Variants in LGR6 observed in about 807,000 individuals in gnomAD.
LGR6 encodes leucine-rich repeat-containing G protein-coupled receptor 6.
Under a neutral mutation model 69.4 loss-of-function variants are expected in LGR6, and 45 were observed. That is an observed-to-expected ratio of 0.65 (90% CI 0.51 to 0.83). The LOEUF is 0.83. Ranked by LOEUF, LGR6 falls within the 40% of genes least tolerant of loss-of-function variation. LGR6 has a pLI of 0.00. For missense variants in LGR6, 1,108 were observed against 1,246.7 expected (o/e 0.89, Z 1.68); for synonymous variants, 538 against 555.0 (o/e 0.97, Z 0.43).
chr1:202,241,738 G>A (rs1034994946), intron 4 of LGR6, among the ~76,000 whole-genome samples: 1 of 152,098 alleles, frequency 6.6e-6, no homozygotes, highest in African/African-American at 2.4e-5. Context: ...TGGGTCCTGG[G>A]GAGCTCCGGT....
At chr1:202,207,216 C>T (rs973912525) in intron 1 of LGR6, among the ~76,000 whole-genome samples, 3 of 152,142 alleles carry the variant, frequency 2.0e-5, no homozygotes, top group Non-Finnish European at 4.4e-5. Context: ...TGTGCCCGGC[C>T]GGTCCTGCAA....
intron 4 of LGR6, among the ~76,000 whole-genome samples, chr1:202,262,175 A>G (rs1309251069): frequency 4.6e-5 from 7 of 151,712 alleles, no homozygotes; most frequent in African/African-American, 1.4e-4. Flanking sequence ...TATGTCCTGA[A>G]TGGTAATGCC....
chr1:202,217,906 G>T (rs75952233), intron 1 of LGR6, among the ~76,000 whole-genome samples: 3,602 of 152,352 alleles, frequency 0.024, 66 homozygotes, highest in Non-Finnish European at 0.035. Context: ...ATGTGTGTGT[G>T]AAGATAGACA....
chr1:202,226,160 A>G (rs936124212), intron 2 of LGR6, among the ~76,000 whole-genome samples: 4 of 152,178 alleles, frequency 2.6e-5, no homozygotes, highest in South Asian at 2.1e-4. Flanking sequence ...GGGGTGCTCA[A>G]AAGTAAATCA....
At chr1:202,206,139 C>G (rs568129770) in intron 1 of LGR6, among the ~76,000 whole-genome samples, 1 of 152,360 alleles carries the variant, frequency 6.6e-6, no homozygotes, top group Non-Finnish European at 1.5e-5. Flanking sequence ...GACACTGGAT[C>G]AAGTGTCCAG....
At chr1:202,279,424 A>G (rs1665838639) in intron 5 of LGR6, among the ~76,000 whole-genome samples, 1 of 152,150 alleles carries the variant, frequency 6.6e-6, no homozygotes, top group South Asian at 2.1e-4. Context: ...TATTTGAACA[A>G]CATCTTGGAG....
intron 1 of LGR6, among the ~76,000 whole-genome samples, chr1:202,216,461 G>C (rs1030486560): frequency 2.6e-5 from 4 of 152,216 alleles, no homozygotes; most frequent in African/African-American, 9.6e-5. Context: ...GAACTGTGCT[G>C]TCCAATACAG....
intron 4 of LGR6, among the ~76,000 whole-genome samples, chr1:202,237,896 C>A (rs574685170): frequency 3.3e-5 from 5 of 151,314 alleles, no homozygotes; most frequent in Non-Finnish European, 7.4e-5. Flanking sequence ...ACCTCAGTTT[C>A]TCTATCTTCA....
rs192261393 is a variant in LGR6, at chr1:202,290,392, C to T, written c.717-7116C>T. ...ACTCCTGCAGAAGCCCAATCCTCCA[C>T]GTCCATTTATCCTCTCTCCCTAAAA... On this transcript the variant is annotated intron_variant, in intron 6 of 17. Transcript: ENST00000367278. Among the ~76,000 whole-genome samples the T allele has an allele frequency of 3.3e-5, 5 of 152,326 alleles. No individual in the cohort carries two copies. In the East Asian group the frequency reaches 9.6e-4, roughly 29 times the overall value.
At chr1:202,217,186 G>A (rs1659844430) in intron 1 of LGR6, among the ~76,000 whole-genome samples, 1 of 152,236 alleles carries the variant, frequency 6.6e-6, no homozygotes, top group South Asian at 2.1e-4. Flanking sequence ...TTGGCATGCT[G>A]TTGCTGTCAG....
chr1:202,299,390 G>C (rs1228241780), intron 7 of LGR6, among the ~76,000 whole-genome samples: 1 of 152,106 alleles, frequency 6.6e-6, no homozygotes, highest in African/African-American at 2.4e-5. Context: ...TATCAAGAGG[G>C]CATGGAGGGA....
chr1:202,304,684 C>T (rs1037159254), intron 11 of LGR6, 54 bp downstream of exon 11: 3 of 1,394,174 alleles, frequency 2.2e-6, no homozygotes, highest in Non-Finnish European at 1.0e-6. Flanking sequence ...ACCCCCATGT[C>T]CCACAAAAGG....
At chr1:202,241,387 G>T (rs781744864) in intron 4 of LGR6, among the ~76,000 whole-genome samples, 8 of 152,216 alleles carry the variant, frequency 5.3e-5, no homozygotes, top group Non-Finnish European at 7.3e-5. Flanking sequence ...AGGTTTGTGT[G>T]AGTGAGGAGT....
intron 4 of LGR6, among the ~76,000 whole-genome samples, chr1:202,263,248 G>A (rs2148113478): frequency 6.6e-6 from 1 of 151,952 alleles, no homozygotes; most frequent in East Asian, 1.9e-4. Flanking sequence ...TCAGCCTGCT[G>A]AGTAGCTGGG....
At chr1:202,298,176 T>C (rs1227640306) in intron 7 of LGR6, among the ~76,000 whole-genome samples, 2 of 152,126 alleles carry the variant, frequency 1.3e-5, no homozygotes, top group Admixed American at 6.5e-5. Context: ...GACAAAATGG[T>C]ATATAACTCC....
chr1:202,249,741 C>T (rs940844721), intron 4 of LGR6, among the ~76,000 whole-genome samples: 2 of 152,210 alleles, frequency 1.3e-5, no homozygotes, highest in African/African-American at 2.4e-5. Flanking sequence ...ACATCCTGTT[C>T]GCTCTGGAGT....
rs1252466990 is a variant in LGR6, at chr1:202,287,045, G to A, written c.716+6193G>A. Among the ~76,000 whole-genome samples, 6 of 152,174 alleles carry A rather than the reference G, an allele frequency of 3.9e-5. No individual in the cohort carries two copies. In the South Asian group the frequency reaches 6.2e-4, roughly 16 times the overall value. On this transcript the variant is annotated intron_variant, in intron 6 of 17. Coordinates refer to ENST00000367278, the MANE Select transcript of LGR6 (RefSeq NM_001017403.2). ...GAATGGAGAGGAAGAGAGGTTAAGG[G>A]GGGTGGGAAGCTTGGCCCACAGGTT...
chr1:202,310,093 A>G, intron 15 of LGR6, 104 bp from the exon 16 acceptor site: 1 of 1,175,066 alleles, frequency 8.5e-7, no homozygotes, highest in African/African-American at 1.5e-5. Flanking sequence ...TGAAGGACAG[A>G]CACTGAGTGC....
chr1:202,262,008 C>T (rs1007154704), intron 4 of LGR6, among the ~76,000 whole-genome samples: 24 of 152,188 alleles, frequency 1.6e-4, no homozygotes, highest in East Asian at 1.2e-3. Context: ...GAGTAGGTTG[C>T]GAAAATTTTC....
Sources: allele counts gnomAD v4.1 joint callset (sites outside exome capture counted in the v4.1 genomes callset), GRCh38; gene constraint gnomAD v4.1.1; transcripts MANE v1.5; gene names NCBI Gene and HGNC (gene_info 2026-07-23, HGNC 2026-07-21).